The following SCN9A variants were observed in gnomAD, a reference collection of about 807,000 sequenced individuals.
SCN9A encodes the protein sodium channel protein type 9 subunit alpha.
A neutral mutation model predicts 187.0 loss-of-function variants in SCN9A; 131 were observed. That is an observed-to-expected ratio of 0.70 (90% confidence interval 0.61 to 0.81). SCN9A has a LOEUF of 0.81. Among genes scored for constraint, SCN9A ranks in the 30% least tolerant of loss-of-function variants. The pLI is 0.00. For synonymous variants in SCN9A, 809 were observed against 808.6 expected (o/e 1.00, Z -0.01); for missense variants, 2,252 against 2,396.6 (o/e 0.94, Z 1.26).
chr2:166,233,490 T>C (rs200427943), intron 20 of SCN9A, 28 bp from the exon 21 acceptor site: 2 of 1,533,506 alleles, frequency 1.3e-6, no homozygotes, highest in East Asian at 4.7e-5. Context: ...TCATTAATTG[T>C]GTCAATAAAA....
At chr2:166,204,581 A>T (rs1343763730) in intron 24 of SCN9A, 117 bp from the exon 25 acceptor site, 2 of 558,318 alleles carry the variant, frequency 3.6e-6, no homozygotes, top group Non-Finnish European at 6.0e-6. Context: ...GTATTTTATT[A>T]TGTTCATGAT....
chr2:166,209,640 G>T (rs1472553320), intron 24 of SCN9A, among the ~76,000 whole-genome samples: 3 of 151,482 alleles, frequency 2.0e-5, no homozygotes, highest in Admixed American at 6.6e-5. Context: ...TCAAAAACTG[G>T]GTAAAGGATA....
At chr2:166,369,285 A>G (rs1463833389) in intron 1 of SCN9A, among the ~76,000 whole-genome samples, 1 of 152,078 alleles carries the variant, frequency 6.6e-6, no homozygotes, top group East Asian at 1.9e-4. Flanking sequence ...TTTGGGAAAA[A>G]TAAACTTCCT....
intron 24 of SCN9A, among the ~76,000 whole-genome samples, chr2:166,210,316 G>T (rs1279494125): frequency 6.6e-6 from 1 of 151,980 alleles, no homozygotes; most frequent in Non-Finnish European, 1.5e-5. Context: ...TGGGGTGGGG[G>T]GAGGAGGGGG....
In SCN9A at chr2:166,360,456, T is replaced by C. The variant is rs893544947; in HGVS notation, c.-51+15241A>G. On this transcript the variant is annotated intron_variant, in intron 1 of 26. Transcript: ENST00000642356. ...TTAAGACTTTATTGAGAGCACAAAA[T>C]TATCACAGACTTATGGCTGCAGAAC... Among the ~76,000 whole-genome samples the C allele has an allele frequency of 3.9e-5, 6 of 152,244 alleles. No homozygotes were observed. In the East Asian group the frequency reaches 1.2e-3, roughly 29 times the overall value.
intron 1 of SCN9A, among the ~76,000 whole-genome samples, chr2:166,364,474 C>T (rs1700366602): frequency 6.6e-6 from 1 of 151,994 alleles, no homozygotes; most frequent in African/African-American, 2.4e-5. Flanking sequence ...TGTATAAATG[C>T]ACAATAAAAT....
intron 4 of SCN9A, 64 bp from the exon 5 acceptor site, chr2:166,305,984 A>T: frequency 6.3e-7 from 1 of 1,585,274 alleles, no homozygotes; most frequent in Non-Finnish European, 8.6e-7. Flanking sequence ...GTAAATCTTT[A>T]TAACTTATTT....
intron 7 of SCN9A, among the ~76,000 whole-genome samples, chr2:166,295,536 A>G (rs1489730210): frequency 1.3e-5 from 2 of 152,172 alleles, no homozygotes; most frequent in Admixed American, 6.5e-5. Context: ...CAACTGTTAT[A>G]CAATGGAAAG....
intron 15 of SCN9A, among the ~76,000 whole-genome samples, 164 bp from the exon 16 acceptor site, chr2:166,277,503 T>C (rs1171715806): frequency 6.6e-6 from 1 of 152,188 alleles, no homozygotes; most frequent in Non-Finnish European, 1.5e-5. Context: ...ATTTTCAATA[T>C]CTCTGTTATT....
chr2:166,373,329 A>ATTTTT (rs745531940), intron 1 of SCN9A, among the ~76,000 whole-genome samples: 12,183 of 144,826 alleles, frequency 0.084, 536 homozygotes, highest in East Asian at 0.17. Flanking sequence ...TTTTTTTTTA[A>ATTTTT]ATGCAGTTGT....
At chr2:166,303,994 G>A in intron 6 of SCN9A, 1 of 1,583,002 alleles carries the variant, frequency 6.3e-7, no homozygotes, top group Non-Finnish European at 8.7e-7. Flanking sequence ...TCTTTCAAAA[G>A]ATCAAAGTCA....
chr2:166,345,532 A>C (rs919310956), intron 1 of SCN9A, among the ~76,000 whole-genome samples: 1 of 143,278 alleles, frequency 7.0e-6, no homozygotes, highest in African/African-American at 2.8e-5. Flanking sequence ...TAACAAAAAA[A>C]AGTAGGGAAA....
intron 11 of SCN9A, among the ~76,000 whole-genome samples, chr2:166,285,084 A>G (rs1172762938): frequency 2.0e-5 from 3 of 152,228 alleles, no homozygotes; most frequent in African/African-American, 4.8e-5. Context: ...GCCTAGAGTT[A>G]CTGCTCCATT....
At chr2:166,319,036 T>G (rs992264175) in intron 1 of SCN9A, among the ~76,000 whole-genome samples, 1 of 152,042 alleles carries the variant, frequency 6.6e-6, no homozygotes, top group Non-Finnish European at 1.5e-5. Context: ...AAGATCAATT[T>G]AAAAGTTCCA....
At chr2:166,309,611 A>T (rs1006528690) in intron 2 of SCN9A, among the ~76,000 whole-genome samples, 3 of 152,020 alleles carry the variant, frequency 2.0e-5, no homozygotes, top group Non-Finnish European at 2.9e-5. Flanking sequence ...GGATACAAAC[A>T]AATGGAAGAA....
In SCN9A at chr2:166,277,133, C is replaced by T. The variant is rs121908909; in HGVS notation, c.2724G>A (p.Trp908Ter). ...KINDDCTLPR[W>*]HMNDFFHSFL... ...AGGAGTGGAAGAAGTCGTTCATGTG[C>T]CACCGTGGGAGCGTACAGTCATCAT... The change falls in exon 16 of 27, where the codon TGG becomes TGA. Residue 908 changes from tryptophan to a stop codon, truncating the protein, a stop_gained. Coordinates refer to ENST00000642356, the MANE Select transcript of SCN9A (RefSeq NM_001365536.1). LOFTEE classifies it high-confidence loss of function. 1 of 1,613,966 alleles carries T rather than the reference C, an allele frequency of 6.2e-7. No individual in the cohort carries two copies. The highest frequency in any genetic ancestry group is 1.1e-5 in the South Asian group (1 of 91,060).
At position 166,272,394 on chromosome 2, in the gene SCN9A, C is replaced by T. The variant is rs200211419; in HGVS notation, c.3351+5G>A. On this transcript the variant is annotated splice_donor_5th_base_variant and intron_variant, in intron 17 of 26. Coordinates refer to ENST00000642356, the MANE Select transcript of SCN9A (RefSeq NM_001365536.1). ...TGAAACACAAAGTATATGAAGCATTCTTACCACTTTGCTGTATTCACTATC... is the reference window on the plus strand; with the variant it reads ...TGAAACACAAAGTATATGAAGCATTTTTACCACTTTGCTGTATTCACTATC... The T allele has an allele frequency of 1.3e-6, 2 of 1,519,924 alleles. No homozygotes were observed. Among genetic ancestry groups the T allele is most frequent in the Non-Finnish European group, 9.0e-7 (1 of 1,116,960 alleles). The allele number at this position is 1,519,924 out of a possible 1,614,324, so 94.2% of individuals were successfully genotyped here.
intron 1 of SCN9A, among the ~76,000 whole-genome samples, chr2:166,365,547 A>G (rs1184504966): frequency 6.6e-6 from 1 of 152,148 alleles, no homozygotes; most frequent in Admixed American, 6.5e-5. Context: ...TTCTGCTTTC[A>G]ATCTTGCTGT....
At chr2:166,321,526 A>T (rs1286750486) in intron 1 of SCN9A, 1 of 94,702 alleles carries the variant, frequency 1.1e-5, no homozygotes, top group Admixed American at 1.0e-4. Context: ...CTGTCTCAAA[A>T]AAAAAAAAAA....
Sources: gnomAD v4.1 joint callset for allele counts (sites outside exome capture counted in the v4.1 genomes callset) on GRCh38, gnomAD v4.1.1 for gene constraint, MANE v1.5 for transcripts, NCBI Gene and HGNC (gene_info 2026-07-23, HGNC 2026-07-21) for gene names.